Variants in FLT4 observed in about 807,000 individuals in gnomAD.
The protein encoded by FLT4 is vascular endothelial growth factor receptor 3.
In FLT4, 30 loss-of-function variants were observed where a neutral mutation model predicts 163.2. The ratio of observed to expected loss-of-function variants is 0.18; its 90% CI spans 0.14 to 0.25. The LOEUF (loss-of-function observed/expected upper bound fraction) is 0.25. Ranked by LOEUF, FLT4 falls within the 10% of genes least tolerant of loss-of-function variation. The pLI is 1.00. For synonymous variants in FLT4, 884 were observed against 789.5 expected, an observed-to-expected ratio of 1.12 and a Z score of -2.01; for missense variants, 1,510 against 1,863.8, an observed-to-expected ratio of 0.81 and a Z score of 3.50.
At chr5:180,647,317 A>C (rs1024672044) in intron 1 of FLT4, among the ~76,000 whole-genome samples, 2 of 152,012 alleles carry the variant, frequency 1.3e-5, no homozygotes, top group African/African-American at 4.8e-5. Flanking sequence ...CACAACCCAC[A>C]CAACCTCGGG....
chr5:180,624,489 A>C (rs1276817054), intron 10 of FLT4, among the ~76,000 whole-genome samples: 1 of 151,622 alleles, frequency 6.6e-6, no homozygotes, highest in Non-Finnish European at 1.5e-5. Context: ...TGGCCTCCCA[A>C]AGCGCTGGGA....
At chr5:180,624,191 G>T in intron 10 of FLT4, 130 bp from the exon 11 acceptor site, 1 of 1,044,112 alleles carries the variant, frequency 9.6e-7, no homozygotes, top group Non-Finnish European at 1.4e-6. Context: ...GCTGGCCCTC[G>T]GGCCTGGGTG....
intron 27 of FLT4, among the ~76,000 whole-genome samples, 156 bp downstream of exon 27, chr5:180,611,175 C>A (rs1057048208): frequency 2.6e-5 from 4 of 152,234 alleles, no homozygotes; most frequent in Non-Finnish European, 5.9e-5. Flanking sequence ...AAGGACCCTG[C>A]AGTGGGTCAT....
At chr5:180,628,749 G>C in intron 8 of FLT4, 133 bp downstream of exon 8, 1 of 682,608 alleles carries the variant, frequency 1.5e-6, no homozygotes, top group Non-Finnish European at 2.6e-6. Context: ...TCTCCTGAGA[G>C]AGGCCCCCGC....
Position 180,619,729 on chromosome 5 carries a change from T to C in FLT4, c.2583A>G (p.Glu861=), listed in dbSNP as rs1762976774. Residue 861 remains glutamate, a synonymous_variant, in exon 18 of 30, where the codon GAA becomes GAG. Coordinates refer to ENST00000261937, the MANE Select transcript of FLT4 (RefSeq NM_182925.5). ...LGYGAFGKVV[E]ASAFGIHKGS... ...CCTTGTGGATGCCGAAAGCGGAGGC[T>C]TCCACCACCTTCCCGAAGGCGCCGT... is the stretch of plus-strand genomic sequence containing the variant. 1 of 1,612,600 alleles carries C rather than the reference T, an allele frequency of 6.2e-7. No homozygotes were observed. The highest frequency in any genetic ancestry group is 2.2e-5 in the East Asian group (1 of 44,872).
rs552483832 is a variant in FLT4 at position 180,618,745 on chromosome 5, A to C, written c.3001+25T>G. On this transcript the variant is annotated intron_variant, in intron 21 of 29. Coordinates refer to ENST00000261937, the MANE Select transcript of FLT4 (RefSeq NM_182925.5). ...ATAACCGGGCCCGTCAGGCACTAGG[A>C]AAAGGGAAGAGGCCAGGCTCTCACC... 39 of 1,577,940 alleles carry C rather than the reference A, an allele frequency of 2.5e-5. No homozygotes were observed. The South Asian group carries it at 2.9e-4, about 12-fold the overall frequency.
Position 180,601,637 on chromosome 5 carries a change from G to A in FLT4, c.*1555C>T, listed in dbSNP as rs1053821414. Reference sequence around the variant, plus strand: ...CGGTACATGCGTGGGTGGGTAGTGAGGAGAAGGGAGCAGAGGTGCGCGCCA... The same window carrying A: ...CGGTACATGCGTGGGTGGGTAGTGAAGAGAAGGGAGCAGAGGTGCGCGCCA... On this transcript the variant is annotated 3_prime_UTR_variant, in exon 30 of 30. Transcript: ENST00000261937. 1 of 233,226 alleles carries A rather than the reference G, an allele frequency of 4.3e-6. No homozygotes were observed. The highest frequency in any genetic ancestry group is 8.5e-6 in the Non-Finnish European group (1 of 118,100). The allele number at this position is 233,226 out of a possible 1,614,324, so 14.4% of individuals were successfully genotyped here. A position where few individuals can be genotyped will look rare whatever the true frequency, so the allele number is the denominator to read the frequency against.
chr5:180,645,273 C>T lies in FLT4; in HGVS notation c.58+4215G>A, dbSNP rs1436340081. On this transcript the variant is annotated intron_variant, in intron 1 of 29. Coordinates refer to ENST00000261937, the MANE Select transcript of FLT4 (RefSeq NM_182925.5). The stretch of plus-strand genomic sequence containing the variant: ...CGGGGAGCGTGGGCTGCCTGAGTGC[C>T]CCGTGGGGGTGGAGACCAGGAGGAG... Among the ~76,000 whole-genome samples, 5 of 152,234 alleles carry T rather than the reference C, an allele frequency of 3.3e-5. No homozygotes were observed. In the East Asian group the frequency reaches 7.7e-4, roughly 23 times the overall value.
chr5:180,621,383 G>T, intron 13 of FLT4, 131 bp from the exon 14 acceptor site: 2 of 1,399,104 alleles, frequency 1.4e-6, no homozygotes, highest in Non-Finnish European at 1.9e-6. Flanking sequence ...GCAGGAGCGC[G>T]GCGCGCCTCC....
intron 27 of FLT4, among the ~76,000 whole-genome samples, chr5:180,610,871 C>T (rs1300657034): frequency 6.6e-6 from 1 of 152,198 alleles, no homozygotes; most frequent in African/African-American, 2.4e-5. Flanking sequence ...TCCTGGCTAA[C>T]ACGGTGAAAC....
chr5:180,644,904 C>T lies in FLT4; in HGVS notation c.58+4584G>A, dbSNP rs549393974. ...GGCACACTGTGAGCGGGAACGAAGC[C>T]ATCACCTGCCCCGGAAGGCCCCTTC... On this transcript the variant is annotated intron_variant, in intron 1 of 29. Transcript: ENST00000261937. Among the ~76,000 whole-genome samples, 8 of 152,372 alleles carry T rather than the reference C, an allele frequency of 5.3e-5. No individual in the cohort carries two copies. The South Asian group carries it at 1.7e-3, about 32-fold the overall frequency.
At chr5:180,631,612 C>T in intron 2 of FLT4, 70 bp downstream of exon 2, 2 of 1,289,648 alleles carry the variant, frequency 1.6e-6, no homozygotes, top group Admixed American at 1.7e-5. Flanking sequence ...CATCTGGGCC[C>T]ACAGCCACCA....
At chr5:180,610,498 G>A (rs1250133479) in intron 27 of FLT4, among the ~76,000 whole-genome samples, 1 of 152,278 alleles carries the variant, frequency 6.6e-6, no homozygotes, top group Admixed American at 6.5e-5. Flanking sequence ...CAGAGGGACA[G>A]GACGCAGAGC....
rs402647 is a variant in FLT4 at position 180,626,307 on chromosome 5, A to G, written c.1104-42T>C. 0.99 allele frequency: 1,585,898 copies of G among 1,603,688 alleles called. 785,703 individuals carry two copies. Among genetic ancestry groups the G allele is most frequent in the East Asian group, 1 (44,863 of 44,864 alleles). On this transcript the variant is annotated intron_variant, in intron 8 of 29. Transcript: ENST00000261937. Reference sequence around the variant, plus strand: ...GGTCAGGGCCCATACAGATCCCACCACAGCCCCAACCTCATGCTGGCACCC... The same window carrying G: ...GGTCAGGGCCCATACAGATCCCACCGCAGCCCCAACCTCATGCTGGCACCC...
chr5:180,631,069 G>A (rs1477442866), intron 2 of FLT4, among the ~76,000 whole-genome samples: 2 of 152,138 alleles, frequency 1.3e-5, no homozygotes, highest in East Asian at 3.9e-4. Flanking sequence ...TGGGGCCCCA[G>A]TGGGTGCTCC....
In FLT4 at chr5:180,620,675, G is replaced by C; in HGVS notation, c.2340C>G (p.Val780=). 6.2e-7 allele frequency: 1 copy of C among 1,613,560 alleles called. No individual in the cohort carries two copies. The highest frequency in any genetic ancestry group is 1.3e-5 in the African/African-American group (1 of 75,016). ...AGAAGACAGCGATGACGCCGGTACC[G>C]ACAAGGATCACGATCTCCATGCTGC... ...DKGSMEIVIL[V]GTGVIAVFFW... The change falls in exon 16 of 30, where the codon GTC becomes GTG. Residue 780 remains valine (V), a synonymous_variant. Transcript: ENST00000261937. This position sits in a 1 kb window ranked among gnomAD's most constrained non-coding sequence, Gnocchi z 4.4.
chr5:180,624,177 C>T (rs529883998), intron 10 of FLT4, 116 bp from the exon 11 acceptor site: 177 of 1,219,702 alleles, frequency 1.5e-4, no homozygotes, highest in African/African-American at 1.2e-3. Context: ...GGGTCGTGGG[C>T]GAGGCTGGCC....
chr5:180,626,829 C>G (rs780769337), intron 8 of FLT4, among the ~76,000 whole-genome samples: 1 of 152,230 alleles, frequency 6.6e-6, no homozygotes, highest in Non-Finnish European at 1.5e-5. Context: ...CGCCCCCAGG[C>G]CTGGCTCTCA....
rs2127807570 is a variant in FLT4 at position 180,619,049 on chromosome 5, G to A, written c.2822C>T (p.Ala941Val). ...GCAGGGGCTGAAGGCGTCCCGCTTG[G>A]CGCGCAGGAAGTTGGAGAGGTTGCC... ...KYGNLSNFLR[A>V]KRDAFSPCAE... The change falls in exon 20 of 30, where the codon GCC (alanine) becomes GTC (valine). Residue 941 changes from alanine to valine, a missense_variant. Physicochemically the swap from Ala to Val is moderately conservative, Grantham distance 64. Transcript: ENST00000261937. 6.4e-7 allele frequency: 1 copy of A among 1,556,900 alleles called. No homozygotes were observed. The highest frequency in any genetic ancestry group is 2.4e-5 in the East Asian group (1 of 41,500).
Sources: allele counts gnomAD v4.1 joint callset (sites outside exome capture counted in the v4.1 genomes callset), GRCh38; gene constraint gnomAD v4.1.1; non-coding constraint Gnocchi (gnomAD v3.1); transcripts MANE v1.5; gene names NCBI Gene and HGNC (gene_info 2026-07-23, HGNC 2026-07-21).